LRBA: variants seen among roughly 807,000 people sequenced by gnomAD.
LRBA encodes the protein LPS responsive beige-like anchor protein.
A neutral mutation model predicts 330.0 loss-of-function variants in LRBA; 176 were observed. That is an observed-to-expected ratio of 0.53 (90% CI 0.47 to 0.60). The LOEUF (loss-of-function observed/expected upper bound fraction) is 0.60. LRBA is among the 20% of genes least tolerant of loss of function. The pLI is 0.00. For synonymous variants in LRBA, 1,230 were observed against 1,193.0 expected, an observed-to-expected ratio of 1.03 and a Z score of -0.64; for missense variants, 3,259 against 3,444.8, an observed-to-expected ratio of 0.95 and a Z score of 1.35.
At position 150,277,957 on chromosome 4, in the gene LRBA, G is replaced by A; in HGVS notation, c.8364C>T (p.Asp2788=). 1 of 1,614,084 alleles carries A rather than the reference G, an allele frequency of 6.2e-7. No individual in the cohort carries two copies. The change falls in exon 56 of 57, where the codon GAC becomes GAT. Residue 2788 remains aspartate, a synonymous_variant. Coordinates refer to ENST00000651943, the MANE Select transcript of LRBA (RefSeq NM_001364905.1). ...RDGQYLLTGG[D]RGVVVVRQVS... The stretch of plus-strand genomic sequence containing the variant: ...CCTGCCGGACCACGACCACTCCTCT[G>A]TCTCCTCCTGTGAGCAGGTACTGCC...
intron 36 of LRBA, among the ~76,000 whole-genome samples, chr4:150,689,283 G>A (rs1561518469): frequency 6.6e-6 from 1 of 152,042 alleles, no homozygotes; most frequent in Non-Finnish European, 1.5e-5. Flanking sequence ...CACGGAGAGG[G>A]GAACATCATA....
chr4:150,705,393 G>A (rs1374955906), intron 36 of LRBA, among the ~76,000 whole-genome samples: 1 of 152,000 alleles, frequency 6.6e-6, no homozygotes, highest in Non-Finnish European at 1.5e-5. Context: ...AACATTAAAG[G>A]TGAATCCCAC....
intron 40 of LRBA, among the ~76,000 whole-genome samples, chr4:150,543,880 T>C (rs1765571586): frequency 6.6e-6 from 1 of 152,114 alleles, no homozygotes; most frequent in Admixed American, 6.6e-5. Context: ...ATTTTATATA[T>C]ATTAATATGT....
chr4:150,372,246 T>G (rs981838793), intron 47 of LRBA, among the ~76,000 whole-genome samples: 21 of 152,114 alleles, frequency 1.4e-4, no homozygotes, highest in African/African-American at 4.8e-4. Context: ...ATCAATTAAT[T>G]CTCAATTTTA....
In LRBA at chr4:150,546,805, G is replaced by A. The variant is rs564950799; in HGVS notation, c.6330+41243C>T. 5.9e-5 allele frequency among the ~76,000 whole-genome samples: 9 copies of A among 152,244 alleles called. No homozygotes were observed. In the South Asian group the frequency reaches 1.9e-3, roughly 32 times the overall value. The stretch of plus-strand genomic sequence containing the variant: ...TAACTACCCCAAAGGTGATATAGTA[G>A]AACAAAGCAATGTCCCTGGTCAGCT... On this transcript the variant is annotated intron_variant, in intron 40 of 56. Transcript: ENST00000651943.
chr4:150,349,165 G>T (rs946529588), intron 48 of LRBA, among the ~76,000 whole-genome samples: 2 of 152,080 alleles, frequency 1.3e-5, no homozygotes, highest in Non-Finnish European at 2.9e-5. Context: ...CATACCTTCC[G>T]CATGATCAGA....
intron 47 of LRBA, among the ~76,000 whole-genome samples, chr4:150,355,537 G>A (rs1035130409): frequency 1.3e-5 from 2 of 151,862 alleles, no homozygotes; most frequent in Non-Finnish European, 2.9e-5. Flanking sequence ...TTTATAACCA[G>A]AGAGAATAGG....
At chr4:150,711,999 C>T (rs866440543) in intron 36 of LRBA, among the ~76,000 whole-genome samples, 15 of 152,256 alleles carry the variant, frequency 9.9e-5, no homozygotes, top group Middle Eastern at 3.4e-3. Context: ...GACACCCTAT[C>T]TAGTCCATTT....
chr4:150,452,692 TCA>T (rs1351097478), intron 44 of LRBA, among the ~76,000 whole-genome samples: 1 of 151,378 alleles, frequency 6.6e-6, no homozygotes, highest in Non-Finnish European at 1.5e-5. Context: ...ATAGCTAACA[TCA>T]CACTTAAGGG....
intron 35 of LRBA, among the ~76,000 whole-genome samples, chr4:150,748,664 C>G (rs557932434): frequency 6.8e-6 from 1 of 146,426 alleles, no homozygotes; most frequent in African/African-American, 2.6e-5. Flanking sequence ...AAGATTCCAT[C>G]TCACAGAAAA....
intron 37 of LRBA, among the ~76,000 whole-genome samples, chr4:150,648,351 G>A (rs1009748738): frequency 2.8e-4 from 42 of 151,730 alleles, no homozygotes; most frequent in African/African-American, 8.7e-4. Flanking sequence ...AGAGGCTGAC[G>A]GATGAACAGG....
chr4:150,839,813 C>G (rs945907522), intron 28 of LRBA, among the ~76,000 whole-genome samples: 3 of 151,740 alleles, frequency 2.0e-5, no homozygotes, highest in Non-Finnish European at 4.4e-5. Context: ...GTGCAGCACA[C>G]CAACATGGCA....
chr4:150,521,671 T>C (rs575069848), intron 40 of LRBA, among the ~76,000 whole-genome samples: 1 of 152,382 alleles, frequency 6.6e-6, no homozygotes, highest in Admixed American at 6.5e-5. Flanking sequence ...TCTTCATTAC[T>C]TTGATTTCTA....
intron 36 of LRBA, among the ~76,000 whole-genome samples, chr4:150,711,549 T>A (rs190704438): frequency 5.3e-5 from 8 of 152,254 alleles, no homozygotes; most frequent in African/African-American, 1.4e-4. Context: ...GAAGTTAAAT[T>A]TGCAACCACA....
chr4:150,355,503 A>G (rs1213222614), intron 47 of LRBA, among the ~76,000 whole-genome samples: 1 of 152,098 alleles, frequency 6.6e-6, no homozygotes, highest in Non-Finnish European at 1.5e-5. Flanking sequence ...TTAAATAAAA[A>G]GATCAAATAT....
At chr4:150,811,444 G>A (rs1416689795) in intron 31 of LRBA, among the ~76,000 whole-genome samples, 1 of 151,788 alleles carries the variant, frequency 6.6e-6, no homozygotes, top group Non-Finnish European at 1.5e-5. Context: ...AAAAAAAGGG[G>A]GTGTGCATGA....
At chr4:150,417,019 C>CT (rs1747865442) in intron 46 of LRBA, among the ~76,000 whole-genome samples, 1 of 152,078 alleles carries the variant, frequency 6.6e-6, no homozygotes, top group South Asian at 2.1e-4. Context: ...ACTTGTTTAA[C>CT]TGTAAAGCCT....
intron 47 of LRBA, among the ~76,000 whole-genome samples, chr4:150,391,615 C>A (rs886818197): frequency 2.0e-5 from 3 of 151,994 alleles, no homozygotes; most frequent in African/African-American, 7.3e-5. Context: ...GTGACAGGAA[C>A]TAGGTAAGTA....
At chr4:150,388,032 A>G (rs1008680487) in intron 47 of LRBA, among the ~76,000 whole-genome samples, 8 of 152,240 alleles carry the variant, frequency 5.3e-5, no homozygotes, top group African/African-American at 1.9e-4. Context: ...TGAGAAATCT[A>G]GTTCTGAAGG....
Sources: allele counts gnomAD v4.1 joint callset (sites outside exome capture counted in the v4.1 genomes callset), GRCh38; gene constraint gnomAD v4.1.1; transcripts MANE v1.5; gene names NCBI Gene and HGNC (gene_info 2026-07-23, HGNC 2026-07-21).